Variants in ADGRB3 observed in about 807,000 individuals in gnomAD.
ADGRB3 encodes brain-specific angiogenesis inhibitor 3.
A neutral mutation model predicts 193.4 loss-of-function variants in ADGRB3; 37 were observed. The ratio of observed to expected loss-of-function variants is 0.19; its 90% CI spans 0.15 to 0.25. The LOEUF is 0.25. Among genes scored for constraint, ADGRB3 ranks in the 10% least tolerant of loss-of-function variants. ADGRB3 has a pLI of 1.00. For synonymous variants in ADGRB3, 690 were observed against 644.2 expected (o/e 1.07, Z -1.08); for missense variants, 1,637 against 1,852.9 (o/e 0.88, Z 2.14).
intron 3 of ADGRB3, among the ~76,000 whole-genome samples, chr6:68,904,132 A>C (rs983303899): frequency 6.6e-6 from 1 of 150,424 alleles, no homozygotes; most frequent in Non-Finnish European, 1.5e-5. Context: ...GGAGGAAGGA[A>C]GGAAGGAAGG....
intron 17 of ADGRB3, among the ~76,000 whole-genome samples, chr6:69,173,803 C>A (rs1328964282): frequency 6.6e-6 from 1 of 151,828 alleles, no homozygotes; most frequent in Non-Finnish European, 1.5e-5. Context: ...ACTCAGGGCA[C>A]CTAAAAAACA....
chr6:68,861,072 T>C (rs1765139218), intron 3 of ADGRB3, among the ~76,000 whole-genome samples: 1 of 152,286 alleles, frequency 6.6e-6, no homozygotes, highest in South Asian at 2.1e-4. Context: ...GGAGAGAGTC[T>C]TGAATTTCTC....
chr6:69,171,927 C>A (rs961509755), intron 17 of ADGRB3, among the ~76,000 whole-genome samples: 4 of 152,268 alleles, frequency 2.6e-5, no homozygotes, highest in Admixed American at 2.6e-4. Context: ...GCCTCCTTTG[C>A]AGTAAGGTAT....
intron 23 of ADGRB3, chr6:69,332,403 A>G (rs1169858446): frequency 7.1e-6 from 7 of 985,438 alleles, no homozygotes; most frequent in Non-Finnish European, 8.4e-6. Flanking sequence ...AGCATGGTAC[A>G]TCAAAATGCT....
intron 20 of ADGRB3, among the ~76,000 whole-genome samples, chr6:69,307,668 A>T (rs1008323107): frequency 6.6e-6 from 1 of 151,478 alleles, no homozygotes; most frequent in African/African-American, 2.4e-5. Context: ...GTACTACAAA[A>T]GGTAGGACTT....
At chr6:69,263,025 G>T (rs1457334592) in intron 20 of ADGRB3, among the ~76,000 whole-genome samples, 1 of 151,926 alleles carries the variant, frequency 6.6e-6, no homozygotes, top group Non-Finnish European at 1.5e-5. Flanking sequence ...AAGAGTTCAG[G>T]AATCTGACTC....
intron 13 of ADGRB3, among the ~76,000 whole-genome samples, chr6:69,043,281 G>GAAGAGAGAGAAAGAAAGAAAGA (rs1234301510): frequency 1.0e-4 from 1 of 9,934 alleles, no homozygotes; most frequent in Non-Finnish European, 2.5e-4. Context: ...AAAAGGAAAG[G>GAAGAGAGAGAAAGAAAGAAAGA]AAGAAAGAGA....
intron 15 of ADGRB3, among the ~76,000 whole-genome samples, chr6:69,060,220 T>TTCTCTCTCTCTCTCTCTCTCTCTC (rs556453350): frequency 2.3e-5 from 3 of 129,632 alleles, no homozygotes; most frequent in African/African-American, 9.3e-5. Flanking sequence ...CTCTCTCTCT[T>TTCTCTCTCTCTCTCTCTCTCTCTC]TCTCTCTCTC....
intron 8 of ADGRB3, among the ~76,000 whole-genome samples, chr6:68,960,526 G>C (rs528728810): frequency 2.2e-4 from 34 of 152,264 alleles, no homozygotes; most frequent in African/African-American, 7.7e-4. Context: ...TACGAAAAAT[G>C]TGATTCTGGA....
intron 3 of ADGRB3, among the ~76,000 whole-genome samples, chr6:68,911,789 A>G (rs1766718660): frequency 6.6e-6 from 1 of 151,880 alleles, no homozygotes; most frequent in African/African-American, 2.4e-5. Context: ...GGAAAGTTTG[A>G]AAGTTGGCTT....
Position 69,243,215 on chromosome 6 carries a change from A to T in ADGRB3, c.2814+3989A>T, listed in dbSNP as rs548111292. Among the ~76,000 whole-genome samples, 4 of 151,838 alleles carry T rather than the reference A, an allele frequency of 2.6e-5. No homozygotes were observed. In the East Asian group the frequency reaches 7.7e-4, roughly 29 times the overall value. On this transcript the variant is annotated intron_variant, in intron 20 of 31. Transcript: ENST00000370598. ...TCTCACAAGCTCACTACCAGGTTAT[A>T]AAAAAAAGCAAGTCTAAGTCCAAAT...
intron 17 of ADGRB3, among the ~76,000 whole-genome samples, chr6:69,154,867 C>T (rs1417253063): frequency 6.6e-6 from 1 of 152,160 alleles, no homozygotes; most frequent in Non-Finnish European, 1.5e-5. Context: ...TTCATTCAAG[C>T]AACAGTTTTT....
intron 17 of ADGRB3, among the ~76,000 whole-genome samples, chr6:69,128,173 T>C (rs2150332962): frequency 6.6e-6 from 1 of 152,236 alleles, no homozygotes; most frequent in Non-Finnish European, 1.5e-5. Flanking sequence ...CTATTATCAG[T>C]ATTTAGGACA....
chr6:68,839,261 A>T (rs1230307703), intron 3 of ADGRB3, among the ~76,000 whole-genome samples: 1 of 152,192 alleles, frequency 6.6e-6, no homozygotes, highest in African/African-American at 2.4e-5. Flanking sequence ...CTTCTCACAA[A>T]ATCAGGTAAA....
At chr6:69,110,793 A>G (rs189558174) in intron 17 of ADGRB3, among the ~76,000 whole-genome samples, 39 of 152,282 alleles carry the variant, frequency 2.6e-4, no homozygotes, top group African/African-American at 7.5e-4. Context: ...AAAATTAGCA[A>G]CCTTCTTAAG....
intron 26 of ADGRB3, among the ~76,000 whole-genome samples, chr6:69,345,125 G>A (rs968448171): frequency 1.3e-5 from 2 of 152,140 alleles, no homozygotes; most frequent in African/African-American, 2.4e-5. Context: ...ACCATGATAA[G>A]TGGCCATTAT....
intron 20 of ADGRB3, among the ~76,000 whole-genome samples, chr6:69,297,408 CTCTA>C (rs1212807552): frequency 6.6e-4 from 94 of 141,606 alleles, no homozygotes; most frequent in East Asian, 6.0e-3. Flanking sequence ...CTCTCTCTCT[CTCTA>C]TATATATATA....
At chr6:69,212,286 C>G (rs981796348) in intron 17 of ADGRB3, among the ~76,000 whole-genome samples, 7 of 152,084 alleles carry the variant, frequency 4.6e-5, no homozygotes, top group Non-Finnish European at 1.0e-4. Context: ...ATAAATCACA[C>G]AGAACTACAT....
At chr6:69,221,454 T>C (rs1765891788) in intron 17 of ADGRB3, among the ~76,000 whole-genome samples, 2 of 152,170 alleles carry the variant, frequency 1.3e-5, no homozygotes, top group Admixed American at 6.6e-5. Context: ...GTGAGTAGTC[T>C]GGCAAATGAC....
Sources: allele counts gnomAD v4.1 joint callset (sites outside exome capture counted in the v4.1 genomes callset), GRCh38; gene constraint gnomAD v4.1.1; transcripts MANE v1.5; gene names NCBI Gene and HGNC (gene_info 2026-07-23, HGNC 2026-07-21).